Variants in KDM1B observed in about 807,000 individuals in gnomAD.
KDM1B encodes lysine-specific histone demethylase 2.
KDM1B carries 63 observed loss-of-function variants against 107.4 expected under a neutral mutation model. That is an observed-to-expected ratio of 0.59 (90% CI 0.48 to 0.72). The LOEUF (loss-of-function observed/expected upper bound fraction) is 0.72, where lower values mean the gene tolerates loss of function less well. Among genes scored for constraint, KDM1B ranks in the 30% least tolerant of loss-of-function variants. The pLI is 0.00. For missense variants in KDM1B, 749 were observed against 1,020.8 expected (o/e 0.73, Z 3.63); for synonymous variants, 363 against 363.9 (o/e 1.00, Z 0.03).
chr6:18,156,092 T>C (rs1582060087), intron 2 of KDM1B, among the ~76,000 whole-genome samples, 166 bp downstream of exon 2: 1 of 152,306 alleles, frequency 6.6e-6, no homozygotes, highest in South Asian at 2.1e-4. Flanking sequence ...TCGCTTGTTC[T>C]TCCCGGCCGA....
At chr6:18,206,344 T>TG (rs1187803678) in intron 15 of KDM1B, among the ~76,000 whole-genome samples, 3 of 151,184 alleles carry the variant, frequency 2.0e-5, no homozygotes, top group African/African-American at 7.3e-5. Flanking sequence ...GGCAAAATCC[T>TG]GTCTCTACAA....
chr6:18,168,763 G>A (rs970702192), intron 6 of KDM1B, among the ~76,000 whole-genome samples: 46 of 152,218 alleles, frequency 3.0e-4, no homozygotes, highest in African/African-American at 9.4e-4. Context: ...GGTATCTCAT[G>A]GTGGTTTTAA....
intron 7 of KDM1B, among the ~76,000 whole-genome samples, chr6:18,175,691 G>A (rs1425831399): frequency 6.6e-6 from 1 of 152,136 alleles, no homozygotes; most frequent in Non-Finnish European, 1.5e-5. Flanking sequence ...AATGTGGCTA[G>A]CCAATTATCC....
intron 7 of KDM1B, among the ~76,000 whole-genome samples, chr6:18,174,026 C>T (rs1386834342): frequency 2.0e-5 from 3 of 152,168 alleles, no homozygotes; most frequent in African/African-American, 7.2e-5. Flanking sequence ...CCTCGTGATC[C>T]ACCTGCCTTG....
intron 15 of KDM1B, among the ~76,000 whole-genome samples, chr6:18,207,025 C>T (rs1294796396): frequency 2.6e-5 from 4 of 152,098 alleles, no homozygotes; most frequent in South Asian, 4.1e-4. Flanking sequence ...TTTCCAAAAT[C>T]GTGCAGGGTT....
chr6:18,182,573 C>G (rs374055881), intron 7 of KDM1B, among the ~76,000 whole-genome samples: 3 of 151,872 alleles, frequency 2.0e-5, no homozygotes, highest in Admixed American at 1.3e-4. Context: ...GAGTCTTGCT[C>G]TGTCACCCAG....
intron 16 of KDM1B, 103 bp from the exon 17 acceptor site, chr6:18,208,029 C>T (rs1295392693): frequency 2.4e-6 from 2 of 844,250 alleles, no homozygotes; most frequent in East Asian, 4.9e-5. Context: ...AAAAGATTCC[C>T]CTTAGCCTTG....
chr6:18,180,851 C>T (rs1045125786), intron 7 of KDM1B, among the ~76,000 whole-genome samples: 1 of 152,222 alleles, frequency 6.6e-6, no homozygotes, highest in African/African-American at 2.4e-5. Flanking sequence ...CAGGCGTGAG[C>T]CACTGCTCCC....
At chr6:18,165,071 C>A (rs1158938443) in intron 5 of KDM1B, among the ~76,000 whole-genome samples, 1 of 150,848 alleles carries the variant, frequency 6.6e-6, no homozygotes, top group Non-Finnish European at 1.5e-5. Context: ...AAATATCTTG[C>A]TAGCTGTTTT....
intron 12 of KDM1B, among the ~76,000 whole-genome samples, chr6:18,198,774 C>G (rs1787834486): frequency 6.6e-6 from 1 of 150,790 alleles, no homozygotes; most frequent in Non-Finnish European, 1.5e-5. Flanking sequence ...TTGAGTTTTA[C>G]TTGGGAAACC....
chr6:18,163,931 AGTTGATT>A (rs1785124151), intron 5 of KDM1B, among the ~76,000 whole-genome samples: 1 of 150,368 alleles, frequency 6.7e-6, no homozygotes, highest in Admixed American at 6.7e-5. Flanking sequence ...AACTAGACCA[AGTTGATT>A]GATAGTGCAG....
rs553631804 is a variant in KDM1B, at chr6:18,220,123, A to G, written c.2386-1786A>G. Among the ~76,000 whole-genome samples the G allele has an allele frequency of 3.3e-5, 5 of 152,290 alleles. No individual in the cohort carries two copies. The South Asian group carries it at 8.3e-4, about 25-fold the overall frequency. On this transcript the variant is annotated intron_variant, in intron 21 of 21. Coordinates refer to ENST00000650836, the MANE Select transcript of KDM1B (RefSeq NM_001364614.2). Reference sequence around the variant, plus strand: ...GGGATGAATTGGTTTGCTTTTTGTTAAAACCCCTGCCCCCAACCCCAAACT... The same window carrying G: ...GGGATGAATTGGTTTGCTTTTTGTTGAAACCCCTGCCCCCAACCCCAAACT...
chr6:18,221,375 A>G (rs1468367143), intron 21 of KDM1B, among the ~76,000 whole-genome samples: 1 of 152,140 alleles, frequency 6.6e-6, no homozygotes, highest in Non-Finnish European at 1.5e-5. Context: ...TGTTCCCACC[A>G]TAGCCATTCC....
intron 9 of KDM1B, among the ~76,000 whole-genome samples, chr6:18,188,784 T>C (rs1490281622): frequency 2.0e-5 from 3 of 150,882 alleles, no homozygotes; most frequent in Non-Finnish European, 4.4e-5. Context: ...TGGTTAATTT[T>C]TTTTTTTTTT....
chr6:18,158,323 C>CAAA (rs56971577), intron 2 of KDM1B, among the ~76,000 whole-genome samples: 27 of 99,418 alleles, frequency 2.7e-4, no homozygotes, highest in Non-Finnish European at 3.6e-4. Flanking sequence ...GACTCCTTCA[C>CAAA]AAAAAAAAAA....
intron 17 of KDM1B, among the ~76,000 whole-genome samples, chr6:18,208,480 G>T (rs1364386127): frequency 2.0e-5 from 3 of 149,866 alleles, no homozygotes; most frequent in African/African-American, 7.4e-5. Flanking sequence ...AGTTGAACAA[G>T]AAAAAAAATT....
intron 7 of KDM1B, among the ~76,000 whole-genome samples, chr6:18,185,279 A>G (rs538505568): frequency 8.9e-5 from 13 of 145,822 alleles, no homozygotes; most frequent in African/African-American, 2.8e-4. Context: ...TTATGATCTC[A>G]TGTGCCTGTC....
intron 17 of KDM1B, 112 bp downstream of exon 17, chr6:18,208,318 C>G: frequency 9.6e-6 from 7 of 731,088 alleles, no homozygotes; most frequent in South Asian, 8.7e-5. Flanking sequence ...TGCCTGGACC[C>G]TTGTTGGATT....
chr6:18,172,636 C>T lies in KDM1B; in HGVS notation c.534+1157C>T, dbSNP rs530701390. Among the ~76,000 whole-genome samples, 16 of 152,174 alleles carry T rather than the reference C, an allele frequency of 1.1e-4. No homozygotes were observed. Among genetic ancestry groups the T allele is most frequent in the African/African-American group, 3.9e-4 (16 of 41,510 alleles). On this transcript the variant is annotated intron_variant, in intron 7 of 21. Coordinates refer to ENST00000650836, the MANE Select transcript of KDM1B (RefSeq NM_001364614.2). The surrounding 1 kb of genome is among the most constrained non-coding windows in gnomAD (Gnocchi z 5.2). ...AGCATTTCAAATAAGAGAAATTCAA[C>T]CTGGGATTCAAAATATAAACATCAT...
Sources: allele counts gnomAD v4.1 joint callset (sites outside exome capture counted in the v4.1 genomes callset), GRCh38; gene constraint gnomAD v4.1.1; non-coding constraint Gnocchi (gnomAD v3.1); transcripts MANE v1.5; gene names NCBI Gene and HGNC (gene_info 2026-07-23, HGNC 2026-07-21).